KMO: variants seen among roughly 807,000 people sequenced by gnomAD.
KMO encodes the protein kynurenine 3-monooxygenase.
In KMO, 24 loss-of-function variants were observed where a neutral mutation model predicts 57.8. The observed-to-expected ratio is 0.42, with a 90% confidence interval of 0.30 to 0.58. The LOEUF is 0.58. Ranked by LOEUF, KMO falls within the 20% of genes least tolerant of loss-of-function variation. KMO has a pLI of 0.22. For missense variants in KMO, 483 were observed against 588.2 expected (o/e 0.82, Z 1.85); for synonymous variants, 210 against 193.6 (o/e 1.08, Z -0.70).
rs79202241 is a variant in KMO at position 241,591,577 on chromosome 1, G to A, written c.1261-376G>A. ...CCACCAGGCCACCACTCTTCTCCTG[G>A]AGACTTTTGGGAAGCTTCTGAGAAG... On this transcript the variant is annotated intron_variant, in intron 14 of 14. Coordinates refer to ENST00000366559, the MANE Select transcript of KMO (RefSeq NM_003679.5). Among the ~76,000 whole-genome samples the A allele has an allele frequency of 6.1e-4, 93 of 152,302 alleles. 1 individual carries two copies. Among genetic ancestry groups the A allele is most frequent in the Non-Finnish European group, 9.6e-4 (65 of 68,024 alleles).
At chr1:241,581,705 C>T (rs1662757140) in intron 10 of KMO, among the ~76,000 whole-genome samples, 1 of 152,030 alleles carries the variant, frequency 6.6e-6, no homozygotes, top group South Asian at 2.1e-4. Flanking sequence ...ATTTTGTTGT[C>T]TCTATATATA....
At chr1:241,534,248 A>G (rs767430206) in intron 1 of KMO, among the ~76,000 whole-genome samples, 4 of 152,216 alleles carry the variant, frequency 2.6e-5, no homozygotes, top group Non-Finnish European at 4.4e-5. Flanking sequence ...ACGTTAGCTC[A>G]AGACTTGGAC....
chr1:241,562,193 C>G lies in KMO; in HGVS notation c.476C>G (p.Thr159Ser). The change falls in exon 7 of 15, where the codon ACT becomes AGT. Residue 159 changes from threonine (T) to serine (S), a missense_variant. By Grantham distance (58) the Thr-to-Ser change is moderately conservative. Transcript: ENST00000366559. ...LGSDKVPKDVTCDLIVGCDGA... is the reference protein window; with the variant it reads ...LGSDKVPKDVSCDLIVGCDGA... ...TCTGACAAAGTTCCCAAAGATGTCA[C>G]TTGTGACCTCATTGTAGGATGTGAT... 1 of 1,614,116 alleles carries G rather than the reference C, an allele frequency of 6.2e-7. No individual in the cohort carries two copies. Among genetic ancestry groups the G allele is most frequent in the Non-Finnish European group, 8.5e-7 (1 of 1,179,988 alleles).
chr1:241,587,692 C>T (rs1573941087), intron 11 of KMO, among the ~76,000 whole-genome samples: 1 of 152,090 alleles, frequency 6.6e-6, no homozygotes, highest in African/African-American at 2.4e-5. Flanking sequence ...GATCCACCCA[C>T]CTCTGCCTCC....
chr1:241,541,894 A>G lies in KMO; in HGVS notation c.55-6935A>G, dbSNP rs544603188. Among the ~76,000 whole-genome samples, 17 of 152,106 alleles carry G rather than the reference A, an allele frequency of 1.1e-4. No homozygotes were observed. The South Asian group carries it at 3.5e-3, about 31-fold the overall frequency. On this transcript the variant is annotated intron_variant, in intron 1 of 14. Transcript: ENST00000366559. ...TATTAACAAGCTTTTTAAAAGTTAG[A>G]TAGACAGAAAACTCAGAAACATTCA... is the stretch of plus-strand genomic sequence containing the variant.
chr1:241,555,155 A>G (rs1042451250), intron 4 of KMO, among the ~76,000 whole-genome samples: 3 of 152,158 alleles, frequency 2.0e-5, no homozygotes, highest in South Asian at 2.1e-4. Flanking sequence ...ACACACACAC[A>G]CGCGTGCACA....
intron 9 of KMO, among the ~76,000 whole-genome samples, chr1:241,568,120 T>G (rs1662149171): frequency 6.6e-6 from 1 of 152,180 alleles, no homozygotes; most frequent in Admixed American, 6.5e-5. Context: ...TTTGGTTTAT[T>G]GTCTTCTAAT....
rs775090116 is a variant in KMO, at chr1:241,550,954, G to T, written c.223-1G>T. 2 of 1,486,712 alleles carry T rather than the reference G, an allele frequency of 1.3e-6. No individual in the cohort carries two copies. Among genetic ancestry groups the T allele is most frequent in the Admixed American group, 2.4e-5 (1 of 41,442 alleles). The allele number at this position is 1,486,712 out of a possible 1,614,324, so 92.1% of individuals were successfully genotyped here. On this transcript the variant is annotated splice_acceptor_variant, in intron 3 of 14. Transcript: ENST00000366559. LOFTEE classifies it high-confidence loss of function. ...AGTCAATATTTCTGGTTTCATTTCA[G>T]ATTGTATCCCAAGGTATTCCCATGA...
chr1:241,568,438 G>C, intron 9 of KMO, 62 bp from the exon 10 acceptor site: 2 of 1,489,054 alleles, frequency 1.3e-6, no homozygotes, highest in Non-Finnish European at 1.9e-6. Context: ...AAACCTGAAA[G>C]AATTTAGCAG....
At position 241,564,746 on chromosome 1, in the gene KMO, C is replaced by T. The variant is rs68039623; in HGVS notation, c.616-241C>T. ...CTTTTTCCTTACATATACACACACA[C>T]GCACGTATTCTGAAATCTTGAAATA... On this transcript the variant is annotated intron_variant, in intron 7 of 14. Coordinates refer to ENST00000366559, the MANE Select transcript of KMO (RefSeq NM_003679.5). Among the ~76,000 whole-genome samples the T allele has an allele frequency of 5.9e-5, 9 of 151,874 alleles. No homozygotes were observed. The South Asian group carries it at 1.5e-3, about 25-fold the overall frequency.
At chr1:241,538,140 A>G (rs934320141) in intron 1 of KMO, among the ~76,000 whole-genome samples, 3 of 151,848 alleles carry the variant, frequency 2.0e-5, no homozygotes, top group Non-Finnish European at 4.4e-5. Context: ...AAGGTTCATG[A>G]CTCTTCATAG....
At chr1:241,568,760 C>A (rs1662172075) in intron 10 of KMO, 113 bp downstream of exon 10, 1 of 1,011,334 alleles carries the variant, frequency 9.9e-7, no homozygotes. Flanking sequence ...CCTGAAAGCA[C>A]AATCAATTCA....
In KMO at chr1:241,594,871, T is replaced by A. The variant is rs1356595937; in HGVS notation, c.*2718T>A. On this transcript the variant is annotated 3_prime_UTR_variant, in exon 15 of 15. Coordinates refer to ENST00000366559, the MANE Select transcript of KMO (RefSeq NM_003679.5). ...AATCACCCCAGAGCTTTATGTCTTT[T>A]ATTCATTCTAATTCTTATTAACCGG... is the stretch of plus-strand genomic sequence containing the variant. The A allele has an allele frequency of 1.6e-6, 1 of 631,118 alleles. No individual in the cohort carries two copies. Among genetic ancestry groups the A allele is most frequent in the Non-Finnish European group, 2.7e-6 (1 of 369,440 alleles). The allele number at this position is 631,118 out of a possible 1,614,324, so 39.1% of individuals were successfully genotyped here. A position where few individuals can be genotyped will look rare whatever the true frequency, so the allele number is the denominator to read the frequency against.
At chr1:241,553,983 TTTG>T (rs1661507875) in intron 4 of KMO, among the ~76,000 whole-genome samples, 1 of 152,144 alleles carries the variant, frequency 6.6e-6, no homozygotes, top group Admixed American at 6.5e-5. Flanking sequence ...GTTAAAAATA[TTTG>T]TTATGTCCCA....
chr1:241,540,011 G>C (rs543221865), intron 1 of KMO, among the ~76,000 whole-genome samples: 13 of 152,236 alleles, frequency 8.5e-5, no homozygotes, highest in Middle Eastern at 3.4e-3. Context: ...TTTTACTTCA[G>C]ACATCTTTTG....
chr1:241,537,292 C>A (rs1660785976), intron 1 of KMO, among the ~76,000 whole-genome samples: 1 of 152,108 alleles, frequency 6.6e-6, no homozygotes, highest in Admixed American at 6.6e-5. Context: ...CAAATGTCAC[C>A]CAGAATTTTC....
intron 1 of KMO, among the ~76,000 whole-genome samples, chr1:241,543,955 C>A (rs1051648598): frequency 6.6e-6 from 1 of 152,324 alleles, no homozygotes; most frequent in Admixed American, 6.5e-5. Context: ...AATCAATTTT[C>A]ATCAAAGAAA....
In KMO at chr1:241,593,476, T is replaced by C; in HGVS notation, c.*1323T>C. On this transcript the variant is annotated 3_prime_UTR_variant, in exon 15 of 15. Transcript: ENST00000366559. The stretch of plus-strand genomic sequence containing the variant: ...AAAATAAAATGATTCAGTGTTTCTT[T>C]TCTATATTGTCAATGAAAACCTTGA... The C allele has an allele frequency of 3.0e-6, 1 of 332,352 alleles. No individual in the cohort carries two copies. The highest frequency in any genetic ancestry group is 2.5e-5 in the South Asian group (1 of 40,596). The allele number at this position is 332,352 out of a possible 1,614,324, so 20.6% of individuals were successfully genotyped here.
chr1:241,557,213 T>C (rs190569504), intron 5 of KMO, among the ~76,000 whole-genome samples: 1 of 152,288 alleles, frequency 6.6e-6, no homozygotes, highest in Non-Finnish European at 1.5e-5. Context: ...CAAATTAAAT[T>C]TGTGGTTTGC....
Sources: allele counts gnomAD v4.1 joint callset (sites outside exome capture counted in the v4.1 genomes callset), GRCh38; gene constraint gnomAD v4.1.1; transcripts MANE v1.5; gene names NCBI Gene and HGNC (gene_info 2026-07-23, HGNC 2026-07-21).